Variants in CALD1 observed in about 807,000 individuals in gnomAD.
The protein encoded by CALD1 is caldesmon.
In CALD1, 33 loss-of-function variants were observed where a neutral mutation model predicts 99.9. That is an observed-to-expected ratio of 0.33 (90% confidence interval 0.25 to 0.44). CALD1 has a LOEUF of 0.44. CALD1 is among the 20% of genes least tolerant of loss of function. The pLI, the probability that CALD1 is intolerant of heterozygous loss-of-function variation, is 1.00. For synonymous variants in CALD1, 310 were observed against 325.0 expected, an observed-to-expected ratio of 0.95 and a Z score of 0.50; for missense variants, 861 against 962.1, an observed-to-expected ratio of 0.89 and a Z score of 1.39.
intron 1 of CALD1, among the ~76,000 whole-genome samples, chr7:134,837,137 TG>T (rs1344239404): frequency 1.3e-5 from 2 of 151,916 alleles, no homozygotes; most frequent in African/African-American, 4.8e-5. Context: ...AAAATTTCCC[TG>T]GGTAGCTTGC....
At chr7:134,821,579 A>G (rs1245475915) in intron 1 of CALD1, among the ~76,000 whole-genome samples, 1 of 147,078 alleles carries the variant, frequency 6.8e-6, no homozygotes, top group Non-Finnish European at 1.5e-5. Flanking sequence ...AAAAGAGTCA[A>G]CGACATTTTT....
At chr7:134,733,840 A>T in the CALD1 span, among the ~76,000 whole-genome samples, 4 of 136,898 alleles carry the variant, frequency 2.9e-5, no homozygotes, top group Middle Eastern at 3.6e-3. Context: ...AAAAAAACAA[A>T]ATAGGTCTGC....
chr7:134,869,281 G>A (rs1800951449), intron 3 of CALD1, among the ~76,000 whole-genome samples: 1 of 152,150 alleles, frequency 6.6e-6, no homozygotes, highest in African/African-American at 2.4e-5. Context: ...GAAACCTGTT[G>A]AGTGTTTAAG....
At chr7:134,775,526 A>G (rs1217558462), upstream of CALD1, among the ~76,000 whole-genome samples, 1 of 152,194 alleles carries the variant, frequency 6.6e-6, no homozygotes, top group Non-Finnish European at 1.5e-5. Context: ...CCTGGCTAAC[A>G]TGGTGAAACC....
intron 1 of CALD1, among the ~76,000 whole-genome samples, chr7:134,813,371 G>C (rs554937034): frequency 6.6e-6 from 1 of 152,272 alleles, no homozygotes; most frequent in Admixed American, 6.5e-5. Context: ...CTTGTATGAT[G>C]ATGAGAATAA....
At position 134,796,600 on chromosome 7, in the gene CALD1, GAGAT is replaced by G. The variant is rs1343429741; in HGVS notation, c.-130+16859_-130+16862del. On this transcript the variant is annotated intron_variant, in intron 1 of 14. Coordinates refer to ENST00000361675, the MANE Select transcript of CALD1 (RefSeq NM_033138.4). ...TCATTTTTATTTATTTATTTTCTTA[GAGAT>G]AGATAGAGTCTCACTCTGTTGCCCA... Among the ~76,000 whole-genome samples the G allele has an allele frequency of 2.6e-5, 4 of 151,800 alleles. No individual in the cohort carries two copies. In the East Asian group the frequency reaches 5.8e-4, roughly 22 times the overall value.
intron 1 of CALD1, among the ~76,000 whole-genome samples, chr7:134,810,550 C>T (rs1798314503): frequency 6.6e-6 from 1 of 152,162 alleles, no homozygotes; most frequent in South Asian, 2.1e-4. Flanking sequence ...GAGAGAGCTA[C>T]AACAACCATT....
intron 1 of CALD1, among the ~76,000 whole-genome samples, chr7:134,780,866 A>C (rs1377296): frequency 0.11 from 16,876 of 152,286 alleles, 1,202 homozygotes; most frequent in Non-Finnish European, 0.15. Context: ...TAGATGCTAT[A>C]TGGCAAGCAG....
Position 134,873,135 on chromosome 7 carries a change from C to T in CALD1, c.71+5331C>T, listed in dbSNP as rs147750280. ...CTGGGAGGCAGAGGTTGCAGTGAGC[C>T]ACGATCATGCCACTGCACTACAAGC... is the stretch of plus-strand genomic sequence containing the variant. On this transcript the variant is annotated intron_variant, in intron 3 of 14. Transcript: ENST00000361675. Among the ~76,000 whole-genome samples the T allele has an allele frequency of 7.4e-4, 112 of 152,080 alleles. 2 individuals carry two copies. The highest frequency in any genetic ancestry group is 2.6e-3 in the African/African-American group (108 of 41,488).
chr7:134,863,222 T>C (rs1379656262), intron 2 of CALD1, among the ~76,000 whole-genome samples: 7 of 152,198 alleles, frequency 4.6e-5, no homozygotes, highest in African/African-American at 1.7e-4. Context: ...GTACTCTCTA[T>C]TCGCTTTTTT....
At chr7:134,850,285 T>A (rs1018592306) in intron 2 of CALD1, among the ~76,000 whole-genome samples, 6 of 152,218 alleles carry the variant, frequency 3.9e-5, no homozygotes, top group African/African-American at 9.6e-5. Context: ...CGTGATCATT[T>A]CATCATTGAG....
chr7:134,947,872 A>G, intron 8 of CALD1, 103 bp downstream of exon 8: 4 of 1,352,594 alleles, frequency 3.0e-6, no homozygotes, highest in Non-Finnish European at 4.0e-6. Flanking sequence ...TTTTTTAAGA[A>G]TAATAAACTT....
chr7:134,761,225 C>T (rs531434596), intron 1 of CALD1, among the ~76,000 whole-genome samples: 22 of 152,290 alleles, frequency 1.4e-4, no homozygotes, highest in Middle Eastern at 3.4e-3. Flanking sequence ...TTCTCCCTAA[C>T]CCCAACCCCC....
At chr7:134,895,313 T>C (rs1802493231) in intron 3 of CALD1, among the ~76,000 whole-genome samples, 1 of 150,650 alleles carries the variant, frequency 6.6e-6, no homozygotes, top group South Asian at 2.1e-4. Flanking sequence ...TGTGTGTGTG[T>C]GTGTGTGTGT....
intron 6 of CALD1, among the ~76,000 whole-genome samples, chr7:134,937,006 G>C (rs1806034076): frequency 2.0e-5 from 3 of 152,210 alleles, no homozygotes; most frequent in Admixed American, 1.3e-4. Context: ...AAAAATGAAA[G>C]TTACCTCAGA....
chr7:134,877,205 G>A (rs142400344), intron 3 of CALD1, among the ~76,000 whole-genome samples: 78 of 152,282 alleles, frequency 5.1e-4, no homozygotes, highest in African/African-American at 1.6e-3. Flanking sequence ...GGTCACCTCA[G>A]AAACTCAGCC....
chr7:134,749,609 G>A (rs1233539255), intron 1 of CALD1, among the ~76,000 whole-genome samples: 2 of 152,174 alleles, frequency 1.3e-5, no homozygotes, highest in Admixed American at 1.3e-4. Context: ...GCGAAAAAAA[G>A]CAAGGCCAGA....
chr7:134,711,660 C>CTCTCTCTCTCTCTCTATATATATA, the CALD1 span, among the ~76,000 whole-genome samples: 1 of 78,348 alleles, frequency 1.3e-5, no homozygotes, highest in African/African-American at 6.2e-5. Context: ...CTCTCTCTCT[C>CTCTCTCTCTCTCTCTATATATATA]TATATATATA....
At chr7:134,795,595 C>T (rs1797715395) in intron 1 of CALD1, among the ~76,000 whole-genome samples, 1 of 152,118 alleles carries the variant, frequency 6.6e-6, no homozygotes, top group Non-Finnish European at 1.5e-5. Flanking sequence ...TCCTTCCTCT[C>T]TCTTTCCCTT....
Sources: gnomAD v4.1 joint callset for allele counts (sites outside exome capture counted in the v4.1 genomes callset) on GRCh38, gnomAD v4.1.1 for gene constraint, MANE v1.5 for transcripts, NCBI Gene and HGNC (gene_info 2026-07-23, HGNC 2026-07-21) for gene names.